RCAN3: variants seen among roughly 807,000 people sequenced by gnomAD.
RCAN3 encodes the protein calcipressin-3.
Under a neutral mutation model 21.9 loss-of-function variants are expected in RCAN3, and 19 were observed. The observed-to-expected ratio is 0.87, with a 90% CI of 0.61 to 1.27. The LOEUF is 1.27. Ranked by LOEUF, RCAN3 falls within the 50% of genes most tolerant of loss-of-function variation. The probability of loss-of-function intolerance (pLI) is 0.00; values close to 1 mark genes in which losing one functional copy is unlikely to be tolerated. For missense variants in RCAN3, 240 were observed against 300.1 expected (o/e 0.80, Z 1.48); for synonymous variants, 114 against 112.3 (o/e 1.01, Z -0.09).
At position 24,514,427 on chromosome 1, in the gene RCAN3, A is replaced by G. The variant is rs1312418205; in HGVS notation, c.55A>G (p.Thr19Ala). The G allele has an allele frequency of 6.2e-7, 1 of 1,614,184 alleles. No homozygotes were observed. The highest frequency in any genetic ancestry group is 1.1e-5 in the South Asian group (1 of 91,084). The stretch of plus-strand genomic sequence containing the variant: ...TGATAGCCAGTCAGATCTGTGTAGC[A>G]CTGACCAAGAAGAGGAAGAAGAGAT... ...WNDSQSDLCS[T>A]DQEEEEEMIF... The change falls in exon 2 of 5, where the codon ACT becomes GCT. Residue 19 changes from threonine (T) to alanine (A), a missense_variant. Physicochemically the swap from Thr to Ala is moderately conservative, Grantham distance 58. Transcript: ENST00000374395.
chr1:24,504,227 A>G (rs929626583), intron 1 of RCAN3, among the ~76,000 whole-genome samples: 1 of 152,192 alleles, frequency 6.6e-6, no homozygotes, highest in Non-Finnish European at 1.5e-5. Flanking sequence ...TCGCTCTGTC[A>G]TCCAGCTGAA....
At chr1:24,510,590 A>G (rs558655914) in intron 1 of RCAN3, among the ~76,000 whole-genome samples, 1 of 152,142 alleles carries the variant, frequency 6.6e-6, no homozygotes, top group African/African-American at 2.4e-5. Flanking sequence ...CTTGCTCTGG[A>G]TTAGACTTTG....
chr1:24,534,879 A>G (rs1650100230), intron 4 of RCAN3, among the ~76,000 whole-genome samples: 1 of 152,256 alleles, frequency 6.6e-6, no homozygotes, highest in Non-Finnish European at 1.5e-5. Flanking sequence ...TTAACTCCCA[A>G]GACTTCAGTA....
rs1224187188 is a variant in RCAN3 at position 24,538,301 on chromosome 1, A to G, written c.*3024A>G. 6.6e-6 allele frequency: 1 copy of G among 152,244 alleles called. No homozygotes were observed. The allele number at this position is 152,244 out of a possible 1,614,324, so 9.4% of individuals were successfully genotyped here. Reference sequence around the variant, plus strand: ...ACATTCTGCTTCTTCAAAATGTTGTACTCAAAAACATACCAGTAATTAAGA... The same window carrying G: ...ACATTCTGCTTCTTCAAAATGTTGTGCTCAAAAACATACCAGTAATTAAGA... On this transcript the variant is annotated 3_prime_UTR_variant, in exon 5 of 5. Transcript: ENST00000374395.
rs1388500855 is a variant in RCAN3, at chr1:24,540,069, T to C, written c.*4792T>C. 1 of 152,232 alleles carries C rather than the reference T, an allele frequency of 6.6e-6. No individual in the cohort carries two copies. The highest frequency in any genetic ancestry group is 6.5e-5 in the Admixed American group (1 of 15,278). The allele number at this position is 152,232 out of a possible 1,614,324, so 9.4% of individuals were successfully genotyped here. ...TGTCTTTTAAACTCCCCTCGGTGTA[T>C]GGATCATCTTCGTCAGAATGCCGTT... On this transcript the variant is annotated 3_prime_UTR_variant, in exon 5 of 5. Transcript: ENST00000374395.
chr1:24,508,288 T>C (rs996291620), intron 1 of RCAN3, among the ~76,000 whole-genome samples: 2 of 152,186 alleles, frequency 1.3e-5, no homozygotes, highest in Non-Finnish European at 2.9e-5. Context: ...TTTTCCAAAC[T>C]ACCCATCCTC....
intron 1 of RCAN3, among the ~76,000 whole-genome samples, chr1:24,509,956 T>C (rs1265193124): frequency 1.3e-5 from 2 of 151,910 alleles, no homozygotes; most frequent in Non-Finnish European, 2.9e-5. Context: ...GAAAAGAACA[T>C]TCATCTCCCT....
At chr1:24,510,249 CAA>C (rs1158931710) in intron 1 of RCAN3, among the ~76,000 whole-genome samples, 1 of 152,224 alleles carries the variant, frequency 6.6e-6, no homozygotes, top group Non-Finnish European at 1.5e-5. Flanking sequence ...TAGCCGCTAA[CAA>C]AAGAGTCAGC....
At chr1:24,533,961 C>G (rs1333720997) in intron 4 of RCAN3, among the ~76,000 whole-genome samples, 9 of 152,178 alleles carry the variant, frequency 5.9e-5, no homozygotes, top group Non-Finnish European at 1.2e-4. Context: ...AGACAAACAA[C>G]AACTACTTTG....
chr1:24,526,066 G>A (rs1440905032), intron 2 of RCAN3, among the ~76,000 whole-genome samples: 3 of 152,084 alleles, frequency 2.0e-5, no homozygotes, highest in Admixed American at 6.6e-5. Context: ...TTGCTAATCG[G>A]TTCTTGCATG....
At chr1:24,533,284 TC>T in intron 4 of RCAN3, 30 bp downstream of exon 4, 14 of 1,487,212 alleles carry the variant, frequency 9.4e-6, no homozygotes, top group Non-Finnish European at 1.3e-5. Flanking sequence ...CCTATTTTCT[TC>T]CCCAAGAAAC....
chr1:24,533,929 C>G (rs1293915074), intron 4 of RCAN3, among the ~76,000 whole-genome samples: 5 of 152,212 alleles, frequency 3.3e-5, no homozygotes, highest in Non-Finnish European at 7.3e-5. Flanking sequence ...GGTGCCTTCT[C>G]TCCCCAGCCC....
chr1:24,528,853 A>T (rs1649500062), intron 2 of RCAN3, among the ~76,000 whole-genome samples: 1 of 152,224 alleles, frequency 6.6e-6, no homozygotes, highest in South Asian at 2.1e-4. Flanking sequence ...GGATATACTG[A>T]ACATGTTTAT....
At chr1:24,522,394 C>T (rs1347528756) in intron 2 of RCAN3, among the ~76,000 whole-genome samples, 4 of 152,192 alleles carry the variant, frequency 2.6e-5, no homozygotes, top group African/African-American at 9.7e-5. Context: ...GACTTGGAAG[C>T]ATGAGGGAGT....
At chr1:24,507,103 A>G (rs562978028) in intron 1 of RCAN3, among the ~76,000 whole-genome samples, 1 of 152,288 alleles carries the variant, frequency 6.6e-6, no homozygotes, top group African/African-American at 2.4e-5. Context: ...GCATGCTGAT[A>G]TTGACATGGT....
rs115754937 is a variant in RCAN3 at position 24,524,528 on chromosome 1, C to T, written c.196-6690C>T. 3.4e-4 allele frequency among the ~76,000 whole-genome samples: 52 copies of T among 152,266 alleles called. 1 individual carries two copies. Among genetic ancestry groups the T allele is most frequent in the African/African-American group, 1.1e-3 (47 of 41,556 alleles). The stretch of plus-strand genomic sequence containing the variant: ...AATTCACCATGTCTAGCTGTATGTG[C>T]ACTTTTTTCTGTTTAGTAAAGTCCA... On this transcript the variant is annotated intron_variant, in intron 2 of 4. Coordinates refer to ENST00000374395, the MANE Select transcript of RCAN3 (RefSeq NM_013441.4).
rs1570488886 is a variant in RCAN3 at position 24,534,137 on chromosome 1, CAG to C, written c.541+886_541+887del. ...GGTTCAGACAGTTGTCCACCCAAGA[CAG>C]AGTTATGTCTCTTGTAGGGGAATAA... On this transcript the variant is annotated intron_variant, in intron 4 of 4. Coordinates refer to ENST00000374395, the MANE Select transcript of RCAN3 (RefSeq NM_013441.4). Among the ~76,000 whole-genome samples, 4 of 152,286 alleles carry C rather than the reference CAG, an allele frequency of 2.6e-5. No homozygotes were observed. The East Asian group carries it at 5.8e-4, about 22-fold the overall frequency.
intron 2 of RCAN3, 100 bp from the exon 3 acceptor site, chr1:24,531,118 T>C (rs1649721886): frequency 5.9e-6 from 5 of 844,332 alleles, no homozygotes; most frequent in Non-Finnish European, 9.0e-6. Context: ...TATAATGAGT[T>C]CTTAATTAGG....
intron 1 of RCAN3, among the ~76,000 whole-genome samples, chr1:24,506,482 GA>G (rs1305162528): frequency 1.3e-5 from 2 of 152,008 alleles, no homozygotes; most frequent in Non-Finnish European, 2.9e-5. Flanking sequence ...GGTTATATAA[GA>G]AAATGATCTT....
Sources: allele counts gnomAD v4.1 joint callset (sites outside exome capture counted in the v4.1 genomes callset), GRCh38; gene constraint gnomAD v4.1.1; transcripts MANE v1.5; gene names NCBI Gene and HGNC (gene_info 2026-07-23, HGNC 2026-07-21).